Variants in TMEM35B observed in about 807,000 individuals in gnomAD.
TMEM35B encodes transmembrane protein 35B, also known as ZMYM6 neighbor protein.
Under a neutral mutation model 8.7 loss-of-function variants are expected in TMEM35B, and 6 were observed. The ratio of observed to expected loss-of-function variants is 0.69; its 90% CI spans 0.38 to 1.36. TMEM35B has a LOEUF of 1.36. Ranked by LOEUF, TMEM35B falls within the 40% of genes most tolerant of loss-of-function variation. The pLI is 0.02. For missense variants in TMEM35B, 176 were observed against 181.6 expected (o/e 0.97, Z 0.18); for synonymous variants, 89 against 87.0 (o/e 1.02, Z -0.13).
At chr1:34,985,205 T>C in exon 1 of TMEM35B, 2 of 1,535,200 alleles carry the variant, frequency 1.3e-6, no homozygotes, top group Non-Finnish European at 1.8e-6. Flanking sequence ...CACCATCCGC[T>C]CCGAAACTGG....
chr1:34,981,767 C>T, exon 3 of TMEM35B: 1 of 467,352 alleles, frequency 2.1e-6, no homozygotes, highest in South Asian at 5.0e-5. Context: ...ATATGCATAA[C>T]ATGTACTCCT....
chr1:34,982,778 T>C (rs1640521587), intron 2 of TMEM35B, among the ~76,000 whole-genome samples: 2 of 152,050 alleles, frequency 1.3e-5, no homozygotes, highest in Admixed American at 1.3e-4. Flanking sequence ...TCTGGCCCCT[T>C]CTCCTTTCTT....
intron 1 of TMEM35B, 62 bp downstream of exon 1, chr1:34,985,136 C>G: frequency 7.6e-7 from 1 of 1,321,754 alleles, no homozygotes. Flanking sequence ...GGGCGAGGAG[C>G]GGCAGGGCGG....
chr1:34,982,005 T>C lies in TMEM35B; in HGVS notation c.404A>G (p.Lys135Arg), dbSNP rs1009235034. 6.4e-6 allele frequency: 10 copies of C among 1,550,668 alleles called. No individual in the cohort carries two copies. The Admixed American group carries it at 7.8e-5, about 12-fold the overall frequency. ...CTTCCTAGTGGGTCTGACCACCTTC[T>C]TAGTCTGGGCTAAGAGCTGGCCGAC... Residue 135 changes from lysine (K) to arginine (R), a missense_variant, in exon 3 of 3, where the codon AAG becomes AGG. Physicochemically the swap from Lys to Arg is conservative, Grantham distance 26. Coordinates refer to ENST00000373337, the Ensembl canonical transcript of TMEM35B.
At chr1:34,982,028 G>A (rs752828091) in exon 3 of TMEM35B, 12 of 1,550,124 alleles carry the variant, frequency 7.7e-6, no homozygotes, top group South Asian at 4.8e-5. Context: ...AGAGCTGGCC[G>A]ACATTCAGCA....
At chr1:34,985,235 A>G (rs1443554958) in exon 1 of TMEM35B, 3 of 1,544,468 alleles carry the variant, frequency 1.9e-6, no homozygotes, top group Non-Finnish European at 2.6e-6. Context: ...CTCCTCCGAG[A>G]GCTTGGCCAA....
rs1179057934 is a variant in TMEM35B, at chr1:34,982,127, G to A, written c.290-8C>T. ...CCAAGGTGAAGATAGCCCCTGGAAT[G>A]GAAAGTGAGGTCCCTGAGGCTCCTT... On this transcript the variant is annotated splice_polypyrimidine_tract_variant and splice_region_variant and intron_variant, in intron 2 of 2. Transcript: ENST00000373337. 6.5e-7 allele frequency: 1 copy of A among 1,538,514 alleles called. No homozygotes were observed. The highest frequency in any genetic ancestry group is 8.8e-7 in the Non-Finnish European group (1 of 1,141,792).
chr1:34,982,140 C>T (rs186809058), intron 2 of TMEM35B, 21 bp from the exon 3 acceptor site: 8 of 1,526,572 alleles, frequency 5.2e-6, no homozygotes, highest in East Asian at 2.5e-5. Flanking sequence ...AAGTGAGGTC[C>T]CTGAGGCTCC....
chr1:34,985,170 T>C (rs1640554360), intron 1 of TMEM35B, 28 bp downstream of exon 1: 1 of 1,509,288 alleles, frequency 6.6e-7, no homozygotes, highest in East Asian at 2.7e-5. Context: ...GCGGGCCCGA[T>C]CCCCTGCCGC....
exon 1 of TMEM35B, chr1:34,985,315 C>G (rs1264285414): frequency 1.3e-6 from 2 of 1,523,722 alleles, no homozygotes; most frequent in South Asian, 1.2e-5. Context: ...TGGCCGCGCT[C>G]CCCCCACCGT....
chr1:34,985,145 G>A, intron 1 of TMEM35B, 53 bp downstream of exon 1: 1 of 1,413,388 alleles, frequency 7.1e-7, no homozygotes, highest in East Asian at 2.9e-5. Context: ...GCGGCAGGGC[G>A]GAGCACACGC....
At chr1:34,984,881 T>G (rs1036998846) in intron 1 of TMEM35B, among the ~76,000 whole-genome samples, 10 of 145,378 alleles carry the variant, frequency 6.9e-5, no homozygotes, top group African/African-American at 2.0e-4. Flanking sequence ...GGAAGTGAGC[T>G]CATTTTCCCA....
At chr1:34,981,932 G>A (rs778877474) in exon 3 of TMEM35B, 4 of 1,523,436 alleles carry the variant, frequency 2.6e-6, no homozygotes, top group African/African-American at 1.4e-5. Context: ...GGCATAAAGA[G>A]ACAGAGATGC....
At chr1:34,985,228 C>G (rs1640556086) in exon 1 of TMEM35B, 4 of 1,545,126 alleles carry the variant, frequency 2.6e-6, no homozygotes, top group Admixed American at 2.0e-5. Context: ...CCGAGATCTC[C>G]TCCGAGAGCT....
intron 2 of TMEM35B, among the ~76,000 whole-genome samples, 181 bp downstream of exon 2, chr1:34,983,586 A>AAAAAAG (rs1640530473): frequency 6.8e-6 from 1 of 147,458 alleles, no homozygotes; most frequent in African/African-American, 2.6e-5. Flanking sequence ...CTCAAAAAAA[A>AAAAAAG]AAAAAAAAAA....
At chr1:34,985,091 A>T (rs1378259957) in intron 1 of TMEM35B, 107 bp downstream of exon 1, 1 of 815,494 alleles carries the variant, frequency 1.2e-6, no homozygotes, top group Non-Finnish European at 1.7e-6. Context: ...GCTCCAGCTG[A>T]GCCTCGGAAG....
At position 34,983,441 on chromosome 1, in the gene TMEM35B, C is replaced by T. The variant is rs553885005; in HGVS notation, c.289+326G>A. 1.6e-3 allele frequency among the ~76,000 whole-genome samples: 240 copies of T among 151,814 alleles called. 1 individual carries two copies. The highest frequency in any genetic ancestry group is 6.0e-3 in the South Asian group (29 of 4,800). Reference sequence around the variant, plus strand: ...AAAATACAAAAAAATCAGTCGGGCGCTGTGGCAGGCGCCTGTAGTCCCAGC... The same window carrying T: ...AAAATACAAAAAAATCAGTCGGGCGTTGTGGCAGGCGCCTGTAGTCCCAGC... On this transcript the variant is annotated intron_variant, in intron 2 of 2. Coordinates refer to ENST00000373337, the Ensembl canonical transcript of TMEM35B.
In TMEM35B at chr1:34,983,578, CAAAAAAAAAA is replaced by C. The variant is rs1163962621; in HGVS notation, c.289+179_289+188del. ...TGGGCGAAAGAGCGAGACTCCATCTCAAAAAAAAAAAAAAAAAAAAAAAAAAATACCTGTG... is the reference window on the plus strand; with the variant it reads ...TGGGCGAAAGAGCGAGACTCCATCTCAAAAAAAAAAAAAAAAATACCTGTG... On this transcript the variant is annotated intron_variant, in intron 2 of 2. Coordinates refer to ENST00000373337, the Ensembl canonical transcript of TMEM35B. 1.6e-3 allele frequency among the ~76,000 whole-genome samples: 36 copies of C among 23,220 alleles called. 2 individuals are homozygous for C. The highest frequency in any genetic ancestry group is 1.8e-3 in the South Asian group (1 of 556). The allele number at this position is 23,220 out of a possible 152,430, so 15.2% of individuals were successfully genotyped here.
intron 2 of TMEM35B, among the ~76,000 whole-genome samples, chr1:34,982,590 C>A (rs1640519338): frequency 6.6e-6 from 1 of 151,780 alleles, no homozygotes; most frequent in Non-Finnish European, 1.5e-5. Flanking sequence ...GATTCTCCTG[C>A]CTCAGCCTCC....
Sources: allele counts gnomAD v4.1 joint callset (sites outside exome capture counted in the v4.1 genomes callset), GRCh38; gene constraint gnomAD v4.1.1; transcripts MANE v1.5; gene names NCBI Gene and HGNC (gene_info 2026-07-23, HGNC 2026-07-21).